ATOH8: variants seen among roughly 807,000 people sequenced by gnomAD.
The protein encoded by ATOH8 is atonal bHLH transcription factor 8.
Under a neutral mutation model 21.2 loss-of-function variants are expected in ATOH8, and 9 were observed. That is an observed-to-expected ratio of 0.42 (90% CI 0.26 to 0.74). The LOEUF (loss-of-function observed/expected upper bound fraction) is 0.74, where lower values mean the gene tolerates loss of function less well. Among genes scored for constraint, ATOH8 ranks in the 30% least tolerant of loss-of-function variants. The pLI, the probability that ATOH8 is intolerant of heterozygous loss-of-function variation, is 0.24. For synonymous variants in ATOH8, 253 were observed against 224.0 expected (o/e 1.13, Z -1.16); for missense variants, 524 against 470.9 (o/e 1.11, Z -1.04).
intron 1 of ATOH8, among the ~76,000 whole-genome samples, chr2:85,761,595 C>T (rs937216697): frequency 2.2e-4 from 33 of 152,298 alleles, no homozygotes; most frequent in African/African-American, 7.9e-4. Flanking sequence ...CTGTTACGGG[C>T]CATGGGCTCA....
chr2:85,768,542 C>T (rs1230087877), intron 2 of ATOH8, among the ~76,000 whole-genome samples: 1 of 151,412 alleles, frequency 6.6e-6, no homozygotes, highest in Admixed American at 6.5e-5. Flanking sequence ...TTGAACTGTC[C>T]CATGCAGGGA....
intron 2 of ATOH8, chr2:85,773,277 C>T (rs982331741): frequency 1.2e-4 from 19 of 164,830 alleles, no homozygotes; most frequent in Admixed American, 3.7e-4. Context: ...TGACATGAAG[C>T]CTTTTTTAAG....
At chr2:85,763,919 C>T in intron 1 of ATOH8, 72 bp from the exon 2 acceptor site, 1 of 1,463,888 alleles carries the variant, frequency 6.8e-7, no homozygotes, top group Non-Finnish European at 9.3e-7. Flanking sequence ...ATACCATAGA[C>T]AGGCCGTCTC....
chr2:85,756,479 T>C (rs1167980342), intron 1 of ATOH8, among the ~76,000 whole-genome samples: 1 of 152,196 alleles, frequency 6.6e-6, no homozygotes, highest in Admixed American at 6.5e-5. Context: ...CTCATAGCTG[T>C]TGAGTAGCAG....
rs1680689355 is a variant in ATOH8 at position 85,788,685 on chromosome 2, C to T, written c.*1795C>T. Among the ~76,000 whole-genome samples the T allele has an allele frequency of 6.6e-6, 1 of 152,208 alleles. No homozygotes were observed. Among genetic ancestry groups the T allele is most frequent in the Admixed American group, 6.5e-5 (1 of 15,278 alleles). ...GAGGGGACCGGAGGCTGCAGCCATA[C>T]AGGACACAGTTTGTCCCTTGGTTTC... On this transcript the variant is annotated 3_prime_UTR_variant, in exon 3 of 3. Transcript: ENST00000306279.
In ATOH8 at chr2:85,754,705, AGCGCCCCCGGAGTCCACTGTGCGCCCT is replaced by A; in HGVS notation, c.526_552del (p.Glu176_Pro184del). On this transcript the variant is annotated inframe_deletion, in exon 1 of 3. Transcript: ENST00000306279. Reference sequence around the variant, plus strand: ...CGCCGTCAGCACCCCCAGCACCGCCAGCGCCCCCGGAGTCCACTGTGCGCCCTGCGCCCCCGACGCGCCCCGGGGAAA... The same window carrying A: ...CGCCGTCAGCACCCCCAGCACCGCCAGCGCCCCCGACGCGCCCCGGGGAAA... 1 of 1,609,030 alleles carries A rather than the reference AGCGCCCCCGGAGTCCACTGTGCGCCCT, an allele frequency of 6.2e-7. No homozygotes were observed. The highest frequency in any genetic ancestry group is 2.2e-5 in the East Asian group (1 of 44,708).
chr2:85,765,638 G>A (rs577245658), intron 2 of ATOH8, among the ~76,000 whole-genome samples: 9 of 152,304 alleles, frequency 5.9e-5, no homozygotes, highest in African/African-American at 1.9e-4. Flanking sequence ...CAGGCGGTCC[G>A]GAGGTGTAGA....
At chr2:85,781,940 G>C (rs1250233288) in intron 2 of ATOH8, among the ~76,000 whole-genome samples, 1 of 152,020 alleles carries the variant, frequency 6.6e-6, no homozygotes, top group Non-Finnish European at 1.5e-5. Context: ...GCTTGGAGAG[G>C]TTAAGTATCC....
rs1573516728 is a variant in ATOH8, at chr2:85,754,417, G to A, written c.228G>A (p.Val76=). 6.4e-7 allele frequency: 1 copy of A among 1,554,212 alleles called. No individual in the cohort carries two copies. The highest frequency in any genetic ancestry group is 8.7e-7 in the Non-Finnish European group (1 of 1,153,886). Residue 76 remains valine (V), a synonymous_variant, in exon 1 of 3, where the codon GTG becomes GTA. Transcript: ENST00000306279. ...RLQPVPVPVP[V]PVPVAPAVPP... ...AGCCGGTCCCGGTACCGGTGCCGGT[G>A]CCAGTCCCAGTGGCGCCGGCCGTTC...
chr2:85,758,474 C>T (rs539282233), intron 1 of ATOH8, among the ~76,000 whole-genome samples: 5 of 152,320 alleles, frequency 3.3e-5, no homozygotes, highest in South Asian at 2.1e-4. Context: ...AGCTGTGTGC[C>T]GCTGTTGCTG....
rs993671896 is a variant in ATOH8, at chr2:85,775,379, G to C, written c.960+11197G>C. 5.9e-5 allele frequency among the ~76,000 whole-genome samples: 9 copies of C among 152,300 alleles called. No individual in the cohort carries two copies. In the East Asian group the frequency reaches 1.7e-3, roughly 29 times the overall value. ...GGGAAGGATTAACTAGGGGCTTTAG[G>C]ACACAGCTAGGGAGATGCCCCTGGG... On this transcript the variant is annotated intron_variant, in intron 2 of 2. Transcript: ENST00000306279.
At chr2:85,770,729 G>A (rs942779320) in intron 2 of ATOH8, among the ~76,000 whole-genome samples, 1 of 152,156 alleles carries the variant, frequency 6.6e-6, no homozygotes, top group African/African-American at 2.4e-5. Flanking sequence ...GTGGTCTCGA[G>A]GCGAGGCGCA....
intron 2 of ATOH8, among the ~76,000 whole-genome samples, chr2:85,764,406 C>A (rs1679951788): frequency 6.6e-6 from 1 of 152,220 alleles, no homozygotes. Flanking sequence ...CGAACAGTCA[C>A]CCAGGGTCTC....
chr2:85,776,213 G>GATGTCCT (rs1680318794), intron 2 of ATOH8, among the ~76,000 whole-genome samples: 1 of 152,180 alleles, frequency 6.6e-6, no homozygotes, highest in South Asian at 2.1e-4. Context: ...CCAGGCCACC[G>GATGTCCT]CTGTCCTCTG....
In ATOH8 at chr2:85,754,265, C is replaced by T. The variant is rs747305874; in HGVS notation, c.76C>T (p.Leu26Phe). The change falls in exon 1 of 3, where the codon CTC (leucine) becomes TTC (phenylalanine). Residue 26 changes from leucine (L) to phenylalanine (F), a missense_variant. By Grantham distance (22) the Leu-to-Phe change is conservative (BLOSUM62 0). Coordinates refer to ENST00000306279, the MANE Select transcript of ATOH8 (RefSeq NM_032827.7). ...CVKELNGLKK[L>F]KRKGKEPARR... ...GAAGGAGCTGAACGGCCTTAAGAAG[C>T]TCAAGCGGAAAGGCAAGGAGCCGGC... The T allele has an allele frequency of 7.5e-6, 12 of 1,610,132 alleles. No individual in the cohort carries two copies. The South Asian group carries it at 1.2e-4, about 16-fold the overall frequency.
intron 1 of ATOH8, among the ~76,000 whole-genome samples, chr2:85,756,937 C>T (rs143219846): frequency 1.3e-5 from 2 of 152,320 alleles, no homozygotes; most frequent in East Asian, 3.9e-4. Flanking sequence ...TTTACTTCCC[C>T]CCTTACCGTG....
At chr2:85,760,664 A>G (rs945506887) in intron 1 of ATOH8, 8 of 152,236 alleles carry the variant, frequency 5.3e-5, no homozygotes, top group Non-Finnish European at 1.2e-4. Flanking sequence ...CACTTAAAAG[A>G]TGAATACAGA....
Position 85,764,005 on chromosome 2 carries a change from A to T in ATOH8, c.783A>T (p.Ser261=), listed in dbSNP as rs113869283. 2.2e-5 allele frequency: 35 copies of T among 1,613,990 alleles called. No individual in the cohort carries two copies. The South Asian group carries it at 3.8e-4, about 18-fold the overall frequency. The change falls in exon 2 of 3, where the codon TCA becomes TCT. Residue 261 remains serine (S), a synonymous_variant. Coordinates refer to ENST00000306279, the MANE Select transcript of ATOH8 (RefSeq NM_032827.7). ...TCTCCCCTCAGGTGCCGTGCTACTC[A>T]TATGGGCAGAAGCTGTCCAAACTGG... is the stretch of plus-strand genomic sequence containing the variant. ...EALRKQVPCY[S]YGQKLSKLAI...
At position 85,754,137 on chromosome 2, in the gene ATOH8, C is replaced by T. The variant is rs2104486072; in HGVS notation, c.-53C>T. On this transcript the variant is annotated 5_prime_UTR_variant, in exon 1 of 3. Coordinates refer to ENST00000306279, the MANE Select transcript of ATOH8 (RefSeq NM_032827.7). ...GAGCCAGAGACTCCTCGGCGCTGAG[C>T]GCGGCGGCGGCCCGGGCAGCCCCAC... 1.4e-6 allele frequency: 2 copies of T among 1,420,680 alleles called. No homozygotes were observed. Among genetic ancestry groups the T allele is most frequent in the East Asian group, 5.8e-5 (2 of 34,210 alleles). 88.0% of individuals were successfully genotyped at this position (1,420,680 alleles called of 1,614,324 possible). A position where few individuals can be genotyped will look rare whatever the true frequency, so the allele number is the denominator to read the frequency against.
Sources: gnomAD v4.1 joint callset for allele counts (sites outside exome capture counted in the v4.1 genomes callset) on GRCh38, gnomAD v4.1.1 for gene constraint, MANE v1.5 for transcripts, NCBI Gene and HGNC (gene_info 2026-07-23, HGNC 2026-07-21) for gene names.